SLC22A25: variants seen among roughly 807,000 people sequenced by gnomAD.
The protein encoded by SLC22A25 is solute carrier family 22 member 25, also known as MGI:2442751, MGI:2385316, MGI:3042283, MGI:3645714, MGI:3605624, MGI:2442750.
In SLC22A25, 44 loss-of-function variants were observed where a neutral mutation model predicts 45.9. The observed-to-expected ratio is 0.96, with a 90% confidence interval of 0.75 to 1.23. The LOEUF is 1.23. SLC22A25 is among the 50% of genes most tolerant of loss of function. SLC22A25 has a pLI of 0.00. For missense variants in SLC22A25, 800 were observed against 666.4 expected, an observed-to-expected ratio of 1.20 and a Z score of -2.21; for synonymous variants, 283 against 238.6, an observed-to-expected ratio of 1.19 and a Z score of -1.72.
chr11:63,198,054 C>G (rs1056690200), intron 7 of SLC22A25, among the ~76,000 whole-genome samples: 2 of 152,146 alleles, frequency 1.3e-5, no homozygotes, highest in African/African-American at 2.4e-5. Flanking sequence ...GAAAGGCGAT[C>G]ATTAAAAAGT....
chr11:63,236,772 G>C (rs970325136), intron 3 of SLC22A25, among the ~76,000 whole-genome samples: 4 of 152,148 alleles, frequency 2.6e-5, no homozygotes, highest in Admixed American at 6.5e-5. Flanking sequence ...GTAGACTGGA[G>C]CTGTTTCTAT....
chr11:63,199,406 A>ACCC (rs1454155215), intron 7 of SLC22A25, among the ~76,000 whole-genome samples: 8 of 152,180 alleles, frequency 5.3e-5, no homozygotes, highest in African/African-American at 1.9e-4. Context: ...TTGAGGCAGT[A>ACCC]ATAAATAACC....
At position 63,159,294 on chromosome 11, in the gene SLC22A25, C is replaced by A. The variant is rs985808646; in HGVS notation, c.*4530G>T. 1.5e-4 allele frequency among the ~76,000 whole-genome samples: 23 copies of A among 151,968 alleles called. No individual in the cohort carries two copies. Among genetic ancestry groups the A allele is most frequent in the African/African-American group, 4.4e-4 (18 of 41,348 alleles). ...TGCCTTTGATATGATTTGGCTGCAC[C>A]CCCACCCAAATCTCATCTTGAATTA... On this transcript the variant is annotated 3_prime_UTR_variant, in exon 12 of 12. Coordinates refer to ENST00000306494, the MANE Select transcript of SLC22A25 (RefSeq NM_199352.6).
At chr11:63,190,642 T>G (rs1320034668) in intron 7 of SLC22A25, among the ~76,000 whole-genome samples, 2 of 145,544 alleles carry the variant, frequency 1.4e-5, no homozygotes, top group South Asian at 2.1e-4. Flanking sequence ...GAGTTTCCAG[T>G]TTTTTTTACT....
At chr11:63,164,455 C>T in intron 11 of SLC22A25, 71 bp downstream of exon 11, 4 of 1,304,664 alleles carry the variant, frequency 3.1e-6, no homozygotes, top group Admixed American at 2.0e-5. Context: ...GGATTTTTTT[C>T]CCTTGTTAAG....
intron 7 of SLC22A25, among the ~76,000 whole-genome samples, chr11:63,195,924 A>C (rs1046148904): frequency 6.6e-6 from 1 of 152,234 alleles, no homozygotes. Flanking sequence ...AGGGGATATC[A>C]CCACGGATCC....
At chr11:63,180,124 C>G (rs565012868) in intron 9 of SLC22A25, among the ~76,000 whole-genome samples, 2 of 152,100 alleles carry the variant, frequency 1.3e-5, no homozygotes, top group African/African-American at 4.8e-5. Flanking sequence ...AATGTCTTGT[C>G]TCAGTTTTGA....
chr11:63,183,924 G>C, intron 7 of SLC22A25, 107 bp from the exon 8 acceptor site: 1 of 1,472,306 alleles, frequency 6.8e-7, no homozygotes, highest in South Asian at 1.3e-5. Context: ...CCCACCTCTT[G>C]TTTGGTTATA....
At chr11:63,186,436 G>C (rs1164742290) in intron 7 of SLC22A25, among the ~76,000 whole-genome samples, 1 of 150,830 alleles carries the variant, frequency 6.6e-6, no homozygotes, top group African/African-American at 2.4e-5. Context: ...TGTAGATTCT[G>C]GATATTAGCC....
chr11:63,177,488 A>G (rs1326260168), intron 9 of SLC22A25, among the ~76,000 whole-genome samples: 2 of 151,818 alleles, frequency 1.3e-5, no homozygotes, highest in East Asian at 3.9e-4. Context: ...GTTTTACTGA[A>G]AACTAGATCT....
At chr11:63,173,116 G>C (rs930090546) in intron 9 of SLC22A25, among the ~76,000 whole-genome samples, 3 of 150,160 alleles carry the variant, frequency 2.0e-5, no homozygotes, top group African/African-American at 7.4e-5. Context: ...ACTAACACAG[G>C]ATCAGTAAAG....
At chr11:63,191,241 C>T (rs997638857) in intron 7 of SLC22A25, among the ~76,000 whole-genome samples, 4 of 152,192 alleles carry the variant, frequency 2.6e-5, no homozygotes, top group East Asian at 1.9e-4. Context: ...CAAACCTTGG[C>T]AATGGTGGGT....
Position 63,159,398 on chromosome 11 carries a change from C to T in SLC22A25, c.*4426G>A, listed in dbSNP as rs73499721. Among the ~76,000 whole-genome samples the T allele has an allele frequency of 8.5e-3, 1,301 of 152,252 alleles. 24 individuals are homozygous for T. The highest frequency in any genetic ancestry group is 0.03 in the African/African-American group (1,238 of 41,526). On this transcript the variant is annotated 3_prime_UTR_variant, in exon 12 of 12. Transcript: ENST00000306494. ...ATCATGGGGCCAGGTCTTTCCCGTG[C>T]TATTCTTGTGATACTGAATAAGTTT...
chr11:63,216,213 C>T (rs533538117), intron 7 of SLC22A25, among the ~76,000 whole-genome samples: 4 of 152,230 alleles, frequency 2.6e-5, no homozygotes, highest in South Asian at 4.2e-4. Flanking sequence ...AATAACAAGT[C>T]AAAAAGTAAC....
chr11:63,236,573 C>G (rs2090167656), intron 3 of SLC22A25, among the ~76,000 whole-genome samples: 1 of 152,180 alleles, frequency 6.6e-6, no homozygotes, highest in Non-Finnish European at 1.5e-5. Flanking sequence ...AGGGAATTCG[C>G]TGACCCCTTG....
At chr11:63,208,720 T>C (rs1057056509) in intron 7 of SLC22A25, among the ~76,000 whole-genome samples, 1 of 152,010 alleles carries the variant, frequency 6.6e-6, no homozygotes, top group Non-Finnish European at 1.5e-5. Flanking sequence ...ACAGGAGGCA[T>C]AGATCCCTTA....
At chr11:63,177,864 A>AATATATATATAATGTATATATATAATAT (rs58895817) in intron 9 of SLC22A25, among the ~76,000 whole-genome samples, 1,048 of 31,036 alleles carry the variant, frequency 0.034, 135 homozygotes, top group African/African-American at 0.098. Context: ...GTATATATAT[A>AATATATATATAATGTATATATATAATAT]ATATATATAA....
At chr11:63,216,442 A>G (rs1269816220) in intron 7 of SLC22A25, among the ~76,000 whole-genome samples, 1 of 152,216 alleles carries the variant, frequency 6.6e-6, no homozygotes, top group Admixed American at 6.5e-5. Flanking sequence ...TGGCAGCACT[A>G]TTCACAATAA....
intron 9 of SLC22A25, among the ~76,000 whole-genome samples, chr11:63,172,740 A>T (rs2087935165): frequency 6.6e-6 from 1 of 151,386 alleles, no homozygotes; most frequent in South Asian, 2.1e-4. Flanking sequence ...GAGGATGTGG[A>T]GAAATAGAAA....
Sources: gnomAD v4.1 joint callset for allele counts (sites outside exome capture counted in the v4.1 genomes callset) on GRCh38, gnomAD v4.1.1 for gene constraint, MANE v1.5 for transcripts, NCBI Gene and HGNC (gene_info 2026-07-23, HGNC 2026-07-21) for gene names.